The following EML5 variants were observed in gnomAD, a reference collection of about 807,000 sequenced individuals.
EML5 encodes the protein echinoderm microtubule-associated protein-like 5.
A neutral mutation model predicts 250.0 loss-of-function variants in EML5; 120 were observed. The ratio of observed to expected loss-of-function variants is 0.48; its 90% CI spans 0.41 to 0.56. The LOEUF (loss-of-function observed/expected upper bound fraction) is 0.56. EML5 is among the 20% of genes least tolerant of loss of function. The pLI, the probability that EML5 is intolerant of heterozygous loss-of-function variation, is 0.00. For synonymous variants in EML5, 771 were observed against 806.5 expected, an observed-to-expected ratio of 0.96 and a Z score of 0.75; for missense variants, 2,006 against 2,437.6, an observed-to-expected ratio of 0.82 and a Z score of 3.73.
intron 32 of EML5, among the ~76,000 whole-genome samples, chr14:88,636,056 C>A (rs1355919669): frequency 2.0e-5 from 3 of 152,108 alleles, no homozygotes; most frequent in African/African-American, 7.2e-5. Context: ...GCTCAAATTT[C>A]TTAAGACATG....
chr14:88,654,170 CT>C (rs1450581430), intron 27 of EML5, among the ~76,000 whole-genome samples: 1 of 152,066 alleles, frequency 6.6e-6, no homozygotes, highest in Non-Finnish European at 1.5e-5. Flanking sequence ...ATTTTTCTCT[CT>C]TTTCTTCTTT....
chr14:88,736,187 G>T (rs11620661), intron 7 of EML5, among the ~76,000 whole-genome samples, 177 bp downstream of exon 7: 60,798 of 151,760 alleles, frequency 0.4, 14,645 homozygotes, highest in African/African-American at 0.66. Context: ...TTTTAGTAGA[G>T]ACGGGGTTTC....
intron 33 of EML5, among the ~76,000 whole-genome samples, chr14:88,629,635 T>A (rs1346934334): frequency 6.6e-6 from 1 of 152,198 alleles, no homozygotes; most frequent in Non-Finnish European, 1.5e-5. Context: ...CAGGAGGCCA[T>A]GAGGTATTAA....
chr14:88,781,511 G>A (rs1566796670), intron 1 of EML5, among the ~76,000 whole-genome samples: 1 of 152,134 alleles, frequency 6.6e-6, no homozygotes. Flanking sequence ...CACTTCTTTT[G>A]TATATCCTTA....
At chr14:88,702,785 C>T (rs1317101917) in intron 13 of EML5, among the ~76,000 whole-genome samples, 153 bp from the exon 14 acceptor site, 2 of 151,998 alleles carry the variant, frequency 1.3e-5, no homozygotes, top group East Asian at 1.9e-4. Flanking sequence ...GATGGGGTCT[C>T]GCTCTGTCAC....
At chr14:88,722,529 C>A (rs1157154872) in intron 8 of EML5, among the ~76,000 whole-genome samples, 1 of 152,072 alleles carries the variant, frequency 6.6e-6, no homozygotes, top group Non-Finnish European at 1.5e-5. Context: ...AAAGCAAACA[C>A]CACATATTCT....
intron 21 of EML5, among the ~76,000 whole-genome samples, chr14:88,677,063 C>T (rs753460955): frequency 7.2e-5 from 11 of 152,136 alleles, no homozygotes; most frequent in Non-Finnish European, 1.5e-4. Context: ...CACCACCACA[C>T]CTGGTTAATT....
chr14:88,631,683 T>A (rs753698376), intron 33 of EML5, among the ~76,000 whole-genome samples: 1 of 152,126 alleles, frequency 6.6e-6, no homozygotes, highest in Non-Finnish European at 1.5e-5. Flanking sequence ...GGCAGGAGAA[T>A]TGCTTGAACC....
At chr14:88,682,912 T>A (rs2092747109) in intron 20 of EML5, among the ~76,000 whole-genome samples, 1 of 152,184 alleles carries the variant, frequency 6.6e-6, no homozygotes, top group South Asian at 2.1e-4. Flanking sequence ...AGGATTCCAT[T>A]GACCTCACTC....
chr14:88,685,086 T>C lies in EML5; in HGVS notation c.2911A>G (p.Ile971Val). 2 of 1,611,642 alleles carry C rather than the reference T, an allele frequency of 1.2e-6. No individual in the cohort carries two copies. The highest frequency in any genetic ancestry group is 1.7e-6 in the Non-Finnish European group (2 of 1,178,604). Residue 971 changes from isoleucine to valine, a missense_variant, in exon 20 of 44, where the codon ATT (isoleucine) becomes GTT (valine). Ile to Val is a conservative substitution (Grantham distance 29, BLOSUM62 3). Around this residue, in one of 7 missense-constraint regions of EML5, gnomAD observed 1,375 missense variants for 1,590.3 expected, o/e 0.86. Transcript: ENST00000554922. ...TCACCATTCTTTGTGCCAACTAAAA[T>C]ATGACCATGTCCTAATGATATGGCA... ...IRAISLGHGH[I>V]LVGTKNGEIL...
rs1325040356 is a variant in EML5 at position 88,616,163 on chromosome 14, C to CT, written c.5875dup (p.Ser1959LysfsTer5). The CT allele has an allele frequency of 6.2e-7, 1 of 1,613,936 alleles. No homozygotes were observed. The highest frequency in any genetic ancestry group is 1.1e-5 in the South Asian group (1 of 91,086). ...TAACCTGCAGTCATCACCTCCAGCACTAACAACATGTCGATCACCACTGGT... is the reference window on the plus strand; with the variant it reads ...TAACCTGCAGTCATCACCTCCAGCACTTAACAACATGTCGATCACCACTGGT... On this transcript the variant is annotated frameshift_variant, in exon 43 of 44. Transcript: ENST00000554922. LOFTEE classifies it high-confidence loss of function.
rs1567004074 is a variant in EML5 at position 88,614,211 on chromosome 14, C to T, written c.*1607G>A. On this transcript the variant is annotated 3_prime_UTR_variant, in exon 44 of 44. Transcript: ENST00000554922. Reference sequence around the variant, plus strand: ...GGGCAGGTTGTTCAGGGATTTTTTTCCTCCTTTAATTTATTGACTGACTGT... The same window carrying T: ...GGGCAGGTTGTTCAGGGATTTTTTTTCTCCTTTAATTTATTGACTGACTGT... 6.6e-6 allele frequency: 1 copy of T among 152,062 alleles called. No individual in the cohort carries two copies. The highest frequency in any genetic ancestry group is 1.5e-5 in the Non-Finnish European group (1 of 68,002). The allele number at this position is 152,062 out of a possible 1,614,324, so 9.4% of individuals were successfully genotyped here. A position where few individuals can be genotyped will look rare whatever the true frequency, so the allele number is the denominator to read the frequency against.
intron 8 of EML5, among the ~76,000 whole-genome samples, chr14:88,721,598 C>A (rs889930387): frequency 6.6e-6 from 1 of 152,130 alleles, no homozygotes; most frequent in Non-Finnish European, 1.5e-5. Context: ...CTTCCTTACA[C>A]CTTATACAAA....
intron 4 of EML5, among the ~76,000 whole-genome samples, chr14:88,741,831 T>A (rs1328301623): frequency 6.6e-6 from 1 of 152,196 alleles, no homozygotes; most frequent in Non-Finnish European, 1.5e-5. Context: ...AATTAACATT[T>A]AAAATAATTT....
At chr14:88,711,952 A>T (rs2093415479) in intron 10 of EML5, among the ~76,000 whole-genome samples, 1 of 152,160 alleles carries the variant, frequency 6.6e-6, no homozygotes, top group South Asian at 2.1e-4. Context: ...CAAAAAAAAA[A>T]AAAAAATACA....
chr14:88,787,004 A>T (rs1343368790), intron 1 of EML5, among the ~76,000 whole-genome samples: 1 of 152,218 alleles, frequency 6.6e-6, no homozygotes, highest in Non-Finnish European at 1.5e-5. Context: ...GCTATGGTGA[A>T]ACAGAACAAA....
At chr14:88,761,294 T>C (rs527421471) in intron 1 of EML5, among the ~76,000 whole-genome samples, 4 of 152,166 alleles carry the variant, frequency 2.6e-5, no homozygotes, top group Non-Finnish European at 5.9e-5. Flanking sequence ...GGTGGTTTGC[T>C]GCACTCATCA....
At chr14:88,649,768 A>T in intron 28 of EML5, 144 bp downstream of exon 28, 1 of 623,230 alleles carries the variant, frequency 1.6e-6, no homozygotes, top group East Asian at 3.1e-5. Flanking sequence ...ACTCTTTTAT[A>T]GAATTTGTCC....
At chr14:88,721,967 A>C (rs761079149) in intron 8 of EML5, among the ~76,000 whole-genome samples, 1 of 152,230 alleles carries the variant, frequency 6.6e-6, no homozygotes, top group East Asian at 1.9e-4. Flanking sequence ...ATGAGCGGAC[A>C]CTTTTTGAAA....
Sources: allele counts gnomAD v4.1 joint callset (sites outside exome capture counted in the v4.1 genomes callset), GRCh38; gene constraint gnomAD v4.1.1; regional missense constraint gnomAD v4.1.1; transcripts MANE v1.5; gene names NCBI Gene and HGNC (gene_info 2026-07-23, HGNC 2026-07-21).